The following VIRMA variants were observed in gnomAD, a reference collection of about 807,000 sequenced individuals.
VIRMA encodes the protein vir like m6A methyltransferase associated, also known as protein virilizer homolog.
A neutral mutation model predicts 182.4 loss-of-function variants in VIRMA; 65 were observed. The ratio of observed to expected loss-of-function variants is 0.36; its 90% CI spans 0.29 to 0.44. The LOEUF (loss-of-function observed/expected upper bound fraction) is 0.44. Ranked by LOEUF, VIRMA falls within the 20% of genes least tolerant of loss-of-function variation. VIRMA has a pLI of 1.00. For missense variants in VIRMA, 1,752 were observed against 2,158.1 expected, an observed-to-expected ratio of 0.81 and a Z score of 3.73; for synonymous variants, 709 against 743.1, an observed-to-expected ratio of 0.95 and a Z score of 0.75.
chr8:94,544,167 G>A (rs1401787564), intron 1 of VIRMA, among the ~76,000 whole-genome samples: 4 of 151,958 alleles, frequency 2.6e-5, no homozygotes, highest in Non-Finnish European at 4.4e-5. Context: ...TTACTTCCCT[G>A]CTGATGTTTT....
chr8:94,518,414 C>G (rs1187630045), intron 9 of VIRMA, among the ~76,000 whole-genome samples: 10 of 152,208 alleles, frequency 6.6e-5, no homozygotes, highest in Admixed American at 6.5e-4. Flanking sequence ...CACAAAAGAT[C>G]TGTCACTCAA....
chr8:94,515,500 T>C (rs2130319048), intron 10 of VIRMA, among the ~76,000 whole-genome samples: 1 of 152,092 alleles, frequency 6.6e-6, no homozygotes, highest in Middle Eastern at 3.4e-3. Context: ...ACCTCCAAAG[T>C]AGCTAGGACT....
Position 94,526,529 on chromosome 8 carries a change from T to C in VIRMA, c.1715A>G (p.His572Arg), listed in dbSNP as rs1273031184. The C allele has an allele frequency of 2.5e-6, 4 of 1,612,940 alleles. No homozygotes were observed. The highest frequency in any genetic ancestry group is 1.7e-5 in the Admixed American group (1 of 59,694). ...VLSEIKRLGD[H>R]LAEKTSSLPN... Reference sequence around the variant, plus strand: ...AAGAGATGAAGTCTTCTCTGCTAAATGGTCACCAAGTCTTTTAATCTCTGA... The same window carrying C: ...AAGAGATGAAGTCTTCTCTGCTAAACGGTCACCAAGTCTTTTAATCTCTGA... The change falls in exon 8 of 24, where the codon CAT becomes CGT. Residue 572 changes from histidine (H) to arginine (R), a missense_variant. By Grantham distance (29) the His-to-Arg change is conservative. Coordinates refer to ENST00000297591, the MANE Select transcript of VIRMA (RefSeq NM_015496.5).
chr8:94,508,619 C>A (rs1234908911), intron 15 of VIRMA, among the ~76,000 whole-genome samples: 2 of 151,530 alleles, frequency 1.3e-5, no homozygotes, highest in African/African-American at 2.4e-5. Flanking sequence ...CAAGAAATAC[C>A]AACCAAATGG....
chr8:94,506,621 T>C lies in VIRMA; in HGVS notation c.3976A>G (p.Ile1326Val), dbSNP rs763055592. 3.7e-6 allele frequency: 6 copies of C among 1,613,620 alleles called. No individual in the cohort carries two copies. Among genetic ancestry groups the C allele is most frequent in the Non-Finnish European group, 5.1e-6 (6 of 1,179,702 alleles). ...SLPNKELMTSICDCLLATLAN... is the reference protein window; with the variant it reads ...SLPNKELMTSVCDCLLATLAN... ...AGCGTAGCCAACAGACAGTCACAGA[T>C]TGAGGTCATCAATTCTTTATTTGGT... The change falls in exon 16 of 24, where the codon ATC becomes GTC. Residue 1326 changes from isoleucine (I) to valine (V), a missense_variant. Transcript: ENST00000297591.
At chr8:94,491,983 A>C in intron 21 of VIRMA, 74 bp from the exon 22 acceptor site, 3 of 1,179,640 alleles carry the variant, frequency 2.5e-6, no homozygotes, top group South Asian at 1.9e-5. Context: ...ATAATACCCA[A>C]AATTATATTT....
At chr8:94,538,462 C>A in intron 2 of VIRMA, 116 bp from the exon 3 acceptor site, 1 of 627,396 alleles carries the variant, frequency 1.6e-6, no homozygotes, top group Non-Finnish European at 2.8e-6. Flanking sequence ...ATATGATGTT[C>A]CTAAGATTTA....
At position 94,510,542 on chromosome 8, in the gene VIRMA, G is replaced by A. The variant is rs775052493; in HGVS notation, c.3501C>T (p.Gly1167=). ...LLQEIVRSFS[G]TTCQPIQHML... is the part of the protein sequence containing the mutation. ...TATGTTGAATGGGCTGGCAGGTTGTGCCAGAGAAAGAGCGAACTATTTCTT... is the reference window on the plus strand; with the variant it reads ...TATGTTGAATGGGCTGGCAGGTTGTACCAGAGAAAGAGCGAACTATTTCTT... The change falls in exon 14 of 24, where the codon GGC becomes GGT. Residue 1167 remains glycine, a synonymous_variant. Coordinates refer to ENST00000297591, the MANE Select transcript of VIRMA (RefSeq NM_015496.5). 2.4e-5 allele frequency: 39 copies of A among 1,614,010 alleles called. No individual in the cohort carries two copies. The highest frequency in any genetic ancestry group is 3.2e-5 in the Non-Finnish European group (38 of 1,180,012).
chr8:94,541,024 T>TC (rs1815531848), intron 2 of VIRMA, among the ~76,000 whole-genome samples: 1 of 151,918 alleles, frequency 6.6e-6, no homozygotes, highest in African/African-American at 2.4e-5. Flanking sequence ...CACACATATA[T>TC]ATGTATGAAC....
At chr8:94,488,969 T>A in intron 23 of VIRMA, 109 bp from the exon 24 acceptor site, 1 of 1,263,156 alleles carries the variant, frequency 7.9e-7, no homozygotes, top group Non-Finnish European at 1.1e-6. Context: ...TATTCTCTTT[T>A]AAAGCTCACG....
intron 2 of VIRMA, among the ~76,000 whole-genome samples, chr8:94,543,139 C>T (rs762222062): frequency 2.6e-5 from 4 of 151,954 alleles, no homozygotes; most frequent in Non-Finnish European, 5.9e-5. Flanking sequence ...AACTCCTGAC[C>T]TCAGGTGTTC....
At chr8:94,539,820 A>G (rs1815477935) in intron 2 of VIRMA, among the ~76,000 whole-genome samples, 1 of 152,150 alleles carries the variant, frequency 6.6e-6, no homozygotes, top group Non-Finnish European at 1.5e-5. Context: ...TGAATGAATG[A>G]ATGTTGTTAT....
chr8:94,540,781 A>G (rs558105440), intron 2 of VIRMA, among the ~76,000 whole-genome samples: 2 of 151,746 alleles, frequency 1.3e-5, no homozygotes, highest in Admixed American at 1.3e-4. Flanking sequence ...CCTTCTTTAA[A>G]CTAGACCTTG....
intron 10 of VIRMA, among the ~76,000 whole-genome samples, chr8:94,515,251 C>G (rs1814521773): frequency 6.6e-6 from 1 of 151,946 alleles, no homozygotes; most frequent in Non-Finnish European, 1.5e-5. Context: ...CGCCTGCCAC[C>G]ACACCTGGCC....
At position 94,526,908 on chromosome 8, in the gene VIRMA, G is replaced by A. The variant is rs770262902; in HGVS notation, c.1336C>T (p.Arg446Cys). 16 of 1,614,080 alleles carry A rather than the reference G, an allele frequency of 9.9e-6. No homozygotes were observed. Among genetic ancestry groups the A allele is most frequent in the South Asian group, 7.7e-5 (7 of 91,084 alleles). The change falls in exon 8 of 24, where the codon CGC becomes TGC. Residue 446 changes from arginine (R) to cysteine (C), a missense_variant. Coordinates refer to ENST00000297591, the MANE Select transcript of VIRMA (RefSeq NM_015496.5). ...MQALNLQVAL[R>C]QPIALNVRQL... Reference sequence around the variant, plus strand: ...CGAACATTTAAGGCGATAGGTTGGCGAAGCGCTACTTGTAAATTTAAAGCT... The same window carrying A: ...CGAACATTTAAGGCGATAGGTTGGCAAAGCGCTACTTGTAAATTTAAAGCT...
intron 2 of VIRMA, among the ~76,000 whole-genome samples, chr8:94,540,472 T>TC (rs1815506119): frequency 6.8e-6 from 1 of 147,910 alleles, no homozygotes; most frequent in South Asian, 2.1e-4. Flanking sequence ...TTTTTTTTTT[T>TC]TTTTTTTTTG....
rs1488925315 is a variant in VIRMA, at chr8:94,547,013, A to G, written c.64-3071T>C. ...AAATCTATCACATCCTTCTGCCCCA[A>G]CTCCTTTTACAAGTAAACTTTCTCT... On this transcript the variant is annotated intron_variant, in intron 1 of 23. Coordinates refer to ENST00000297591, the MANE Select transcript of VIRMA (RefSeq NM_015496.5). 5 of 454,738 alleles carry G rather than the reference A, an allele frequency of 1.1e-5. No homozygotes were observed. The East Asian group carries it at 3.5e-4, about 32-fold the overall frequency. The allele number at this position is 454,738 out of a possible 1,614,324, so 28.2% of individuals were successfully genotyped here.
chr8:94,497,266 AG>A (rs1813812611), intron 17 of VIRMA: 1 of 151,770 alleles, frequency 6.6e-6, no homozygotes, highest in Non-Finnish European at 1.5e-5. Context: ...CACCATGCCC[AG>A]GTAATTTAAA....
intron 23 of VIRMA, among the ~76,000 whole-genome samples, chr8:94,489,209 T>A (rs955310581): frequency 5.9e-5 from 9 of 152,220 alleles, no homozygotes; most frequent in Non-Finnish European, 1.3e-4. Flanking sequence ...AAATATATGC[T>A]GTATAAAGGT....
Sources: gnomAD v4.1 joint callset for allele counts (sites outside exome capture counted in the v4.1 genomes callset) on GRCh38, gnomAD v4.1.1 for gene constraint, MANE v1.5 for transcripts, NCBI Gene and HGNC (gene_info 2026-07-23, HGNC 2026-07-21) for gene names.